Variants in CYB5R3 observed in about 807,000 individuals in gnomAD.
CYB5R3 encodes NADH-cytochrome b5 reductase 3.
A neutral mutation model predicts 36.5 loss-of-function variants in CYB5R3; 28 were observed. The ratio of observed to expected loss-of-function variants is 0.77; its 90% CI spans 0.57 to 1.05. The LOEUF is 1.05. Ranked by LOEUF, CYB5R3 falls within the 50% of genes least tolerant of loss-of-function variation. CYB5R3 has a pLI of 0.00. For missense variants in CYB5R3, 474 were observed against 408.9 expected (o/e 1.16, Z -1.37); for synonymous variants, 181 against 159.8 (o/e 1.13, Z -1.00).
At chr22:42,642,660 G>A (rs568608672) in intron 1 of CYB5R3, among the ~76,000 whole-genome samples, 1 of 151,938 alleles carries the variant, frequency 6.6e-6, no homozygotes, top group Admixed American at 6.6e-5. Flanking sequence ...GGATGGTCTC[G>A]ATCTCCTGAC....
At chr22:42,639,866 TGA>T in intron 1 of CYB5R3, 1 of 1,315,992 alleles carries the variant, frequency 7.6e-7, no homozygotes, top group African/African-American at 1.5e-5. Flanking sequence ...TTGGAATTTC[TGA>T]CAAATCTTAT....
intron 7 of CYB5R3, among the ~76,000 whole-genome samples, chr22:42,626,994 T>C (rs1303133292): frequency 1.3e-5 from 2 of 152,182 alleles, no homozygotes; most frequent in African/African-American, 2.4e-5. Context: ...CTTCCCACTC[T>C]ACCAGTGGGT....
chr22:42,644,251 CCA>C, intron 1 of CYB5R3: 1 of 620,424 alleles, frequency 1.6e-6, no homozygotes. Context: ...ATCCTGCCTC[CCA>C]CAGTGAGGCC....
intron 8 of CYB5R3, 96 bp from the exon 9 acceptor site, chr22:42,620,041 A>G (rs1410687849): frequency 5.0e-6 from 6 of 1,196,018 alleles, no homozygotes; most frequent in Non-Finnish European, 7.2e-6. Context: ...TAAATGCTGA[A>G]GAATGGAGAG....
At chr22:42,641,456 G>A (rs530888249) in intron 1 of CYB5R3, among the ~76,000 whole-genome samples, 12 of 151,718 alleles carry the variant, frequency 7.9e-5, no homozygotes, top group African/African-American at 2.2e-4. Context: ...ACAGGCGCAC[G>A]CCACCACACT....
At chr22:42,644,743 TGTTG>T in intron 1 of CYB5R3, 1 of 732,506 alleles carries the variant, frequency 1.4e-6, no homozygotes, top group Non-Finnish European at 1.7e-6. Flanking sequence ...AAATCACCAT[TGTTG>T]GGGGCCCTGG....
At chr22:42,644,497 A>G (rs1368734800) in intron 1 of CYB5R3, 2 of 1,222,456 alleles carry the variant, frequency 1.6e-6, no homozygotes, top group Non-Finnish European at 2.3e-6. Context: ...CCAACCAGCA[A>G]ACTCCTATTC....
At chr22:42,630,472 C>T (rs1009962443) in intron 4 of CYB5R3, among the ~76,000 whole-genome samples, 1 of 152,326 alleles carries the variant, frequency 6.6e-6, no homozygotes, top group Non-Finnish European at 1.5e-5. Context: ...GACGGGACTG[C>T]GCCGTCACAC....
At chr22:42,629,463 C>G (rs755616303) in intron 4 of CYB5R3, among the ~76,000 whole-genome samples, 28 of 152,346 alleles carry the variant, frequency 1.8e-4, no homozygotes, top group Non-Finnish European at 3.1e-4. Flanking sequence ...GAAGCTCGGT[C>G]GCAGGTACCT....
At chr22:42,648,562 G>A (rs2146917777) in intron 1 of CYB5R3, among the ~76,000 whole-genome samples, 1 of 152,082 alleles carries the variant, frequency 6.6e-6, no homozygotes, top group Middle Eastern at 3.4e-3. Context: ...CGGCAGCGTT[G>A]TGGGACGGTG....
chr22:42,626,372 T>G (rs569164646), intron 7 of CYB5R3, among the ~76,000 whole-genome samples: 1 of 152,170 alleles, frequency 6.6e-6, no homozygotes, highest in Non-Finnish European at 1.5e-5. Context: ...CCACGAGACA[T>G]GCACAGTCAA....
At position 42,630,610 on chromosome 22, in the gene CYB5R3, C is replaced by T. The variant is rs2285138; in HGVS notation, c.333+272G>A. ...TCTCTGCCAAGACCCCCTTCTTTGG[C>T]TTTTGTTGGTAAAGATGACGTGCTA... On this transcript the variant is annotated intron_variant, in intron 4 of 8. Coordinates refer to ENST00000352397, the MANE Select transcript of CYB5R3 (RefSeq NM_000398.7). Among the ~76,000 whole-genome samples, 71,431 of 152,112 alleles carry T rather than the reference C, an allele frequency of 0.47. 17,753 individuals are homozygous for T. Among genetic ancestry groups the T allele is most frequent in the East Asian group, 0.88 (4,512 of 5,156 alleles).
At chr22:42,648,396 T>A (rs1248837433) in intron 1 of CYB5R3, among the ~76,000 whole-genome samples, 2 of 152,146 alleles carry the variant, frequency 1.3e-5, no homozygotes, top group Non-Finnish European at 2.9e-5. Context: ...CCTCCACATG[T>A]CCACACAGAC....
intron 1 of CYB5R3, 123 bp downstream of exon 1, chr22:42,649,172 A>T: frequency 9.8e-6 from 3 of 305,458 alleles, no homozygotes; most frequent in South Asian, 7.9e-5. Context: ...TGGGCGGGCG[A>T]AGTGGGTGCG....
intron 2 of CYB5R3, chr22:42,631,735 G>T: frequency 1.9e-6 from 1 of 530,436 alleles, no homozygotes; most frequent in Non-Finnish European, 3.4e-6. Flanking sequence ...GGGTCCCAAA[G>T]GGAGGATGCC....
chr22:42,636,258 A>G (rs1430077349), intron 2 of CYB5R3, among the ~76,000 whole-genome samples: 4 of 152,154 alleles, frequency 2.6e-5, no homozygotes, highest in Non-Finnish European at 5.9e-5. Flanking sequence ...AGAAAGTAAG[A>G]ATCAAACAGG....
intron 1 of CYB5R3, among the ~76,000 whole-genome samples, chr22:42,643,450 C>A (rs1322621792): frequency 1.5e-5 from 2 of 136,226 alleles, no homozygotes; most frequent in African/African-American, 5.3e-5. Flanking sequence ...CCCGCCCCCC[C>A]ACCCCCCACC....
intron 5 of CYB5R3, among the ~76,000 whole-genome samples, 195 bp from the exon 6 acceptor site, chr22:42,627,883 C>G (rs1928374911): frequency 6.6e-6 from 1 of 152,164 alleles, no homozygotes; most frequent in African/African-American, 2.4e-5. Context: ...GCTCTGTCCT[C>G]TTGCTTGCTT....
In CYB5R3 at chr22:42,618,555, A is replaced by AAC. The variant is rs1927760110; in HGVS notation, c.*1217_*1218insGT. Reference sequence around the variant, plus strand: ...CCGTCTCAAAAAAAAAAAAAAAAAAATACAAAAACTAGCTGGGTGTGGTGG... The same window carrying AAC: ...CCGTCTCAAAAAAAAAAAAAAAAAAAACTACAAAAACTAGCTGGGTGTGGTGG... On this transcript the variant is annotated 3_prime_UTR_variant, in exon 9 of 9. Transcript: ENST00000352397. 2.1e-5 allele frequency: 3 copies of AAC among 141,162 alleles called. No homozygotes were observed. The highest frequency in any genetic ancestry group is 7.6e-5 in the African/African-American group (3 of 39,400). The allele number at this position is 141,162 out of a possible 1,614,324, so 8.7% of individuals were successfully genotyped here. A position where few individuals can be genotyped will look rare whatever the true frequency, so the allele number is the denominator to read the frequency against.
Sources: allele counts gnomAD v4.1 joint callset (sites outside exome capture counted in the v4.1 genomes callset), GRCh38; gene constraint gnomAD v4.1.1; transcripts MANE v1.5; gene names NCBI Gene and HGNC (gene_info 2026-07-23, HGNC 2026-07-21).